Variants in UBR3 observed in about 807,000 individuals in gnomAD.
UBR3 encodes ubiquitin protein ligase E3 component n-recognin 3.
Under a neutral mutation model 243.2 loss-of-function variants are expected in UBR3, and 85 were observed. The ratio of observed to expected loss-of-function variants is 0.35; its 90% CI spans 0.29 to 0.42. The LOEUF (loss-of-function observed/expected upper bound fraction) is 0.42. UBR3 is among the 10% of genes least tolerant of loss of function. The pLI, the probability that UBR3 is intolerant of heterozygous loss-of-function variation, is 1.00. For synonymous variants in UBR3, 748 were observed against 799.8 expected, an observed-to-expected ratio of 0.94 and a Z score of 1.09; for missense variants, 1,686 against 2,300.8, an observed-to-expected ratio of 0.73 and a Z score of 5.47.
chr2:169,837,425 G>A (rs1335154108), intron 1 of UBR3, among the ~76,000 whole-genome samples: 4 of 152,220 alleles, frequency 2.6e-5, no homozygotes, highest in Non-Finnish European at 4.4e-5. Flanking sequence ...GCGGTGAGCC[G>A]CGATCACGCC....
chr2:169,845,310 C>A (rs1388870889), intron 1 of UBR3, among the ~76,000 whole-genome samples: 1 of 151,166 alleles, frequency 6.6e-6, no homozygotes, highest in East Asian at 2.0e-4. Context: ...GTAGTCCCAG[C>A]TACTCAGAAA....
chr2:169,857,079 T>G (rs1384829464), intron 1 of UBR3, among the ~76,000 whole-genome samples: 5 of 127,658 alleles, frequency 3.9e-5, no homozygotes, highest in African/African-American at 1.2e-4. Context: ...TTTTTTTTTT[T>G]TTTTTTTTTT....
chr2:169,886,199 G>A (rs1302473747), intron 5 of UBR3, among the ~76,000 whole-genome samples: 3 of 151,650 alleles, frequency 2.0e-5, no homozygotes, highest in African/African-American at 7.2e-5. Flanking sequence ...GGAGGCATAA[G>A]GTTTAATTTT....
At chr2:169,936,913 G>C (rs937593803) in intron 19 of UBR3, among the ~76,000 whole-genome samples, 2 of 152,110 alleles carry the variant, frequency 1.3e-5, no homozygotes, top group Non-Finnish European at 2.9e-5. Flanking sequence ...TCTTAATCCA[G>C]TCTATCATTG....
Position 170,029,425 on chromosome 2 carries a change from C to T in UBR3, c.4533C>T (p.Thr1511=), listed in dbSNP as rs544154880. 2 of 1,610,478 alleles carry T rather than the reference C, an allele frequency of 1.2e-6. No individual in the cohort carries two copies. Among genetic ancestry groups the T allele is most frequent in the Non-Finnish European group, 1.7e-6 (2 of 1,178,198 alleles). ...DSEYNPWRKL[T]QLEEMNPQLG... is the part of the protein sequence containing the mutation. ...AGTATAATCCCTGGAGAAAGCTCAC[C>T]CAGTTAGAAGAGATGAATCCACAGT... Residue 1511 remains threonine (T), a synonymous_variant, in exon 31 of 39, where the codon ACC becomes ACT. Coordinates refer to ENST00000272793, the MANE Select transcript of UBR3 (RefSeq NM_172070.4).
intron 18 of UBR3, among the ~76,000 whole-genome samples, chr2:169,930,157 T>C (rs2086064706): frequency 6.6e-6 from 1 of 152,142 alleles, no homozygotes; most frequent in Non-Finnish European, 1.5e-5. Context: ...GCGCTCCTCA[T>C]TAAGAATGCA....
intron 36 of UBR3, among the ~76,000 whole-genome samples, chr2:170,078,944 T>G (rs1364961454): frequency 1.3e-5 from 2 of 152,196 alleles, no homozygotes; most frequent in Non-Finnish European, 2.9e-5. Flanking sequence ...ATTGCTTCCA[T>G]GGACACTTAA....
intron 11 of UBR3, among the ~76,000 whole-genome samples, chr2:169,923,232 T>A (rs913441064): frequency 6.6e-6 from 1 of 152,210 alleles, no homozygotes; most frequent in Non-Finnish European, 1.5e-5. Flanking sequence ...TTTGGAAGCA[T>A]CTTATCTAAC....
intron 1 of UBR3, among the ~76,000 whole-genome samples, chr2:169,841,480 C>G (rs2105284488): frequency 6.6e-6 from 1 of 152,322 alleles, no homozygotes; most frequent in African/African-American, 2.4e-5. Flanking sequence ...GAGCCCCTTT[C>G]TGGGCTGGCC....
intron 24 of UBR3, among the ~76,000 whole-genome samples, chr2:169,976,703 C>T (rs1032409549): frequency 5.1e-4 from 78 of 152,204 alleles, no homozygotes; most frequent in African/African-American, 1.6e-3. Flanking sequence ...CTGTCTTTCA[C>T]TTTTTACAAT....
intron 24 of UBR3, among the ~76,000 whole-genome samples, chr2:169,972,841 T>G (rs921746920): frequency 1.4e-4 from 22 of 151,906 alleles, no homozygotes; most frequent in African/African-American, 5.1e-4. Context: ...AGCATTCCCT[T>G]TGAAAACTGG....
chr2:169,991,347 TA>T, intron 25 of UBR3, among the ~76,000 whole-genome samples: 1 of 152,186 alleles, frequency 6.6e-6, no homozygotes, highest in Non-Finnish European at 1.5e-5. Flanking sequence ...AACAGACTTA[TA>T]TAGAACACTC....
chr2:169,972,963 G>A (rs200607330), intron 24 of UBR3, among the ~76,000 whole-genome samples: 1 of 132,062 alleles, frequency 7.6e-6, no homozygotes, highest in Non-Finnish European at 1.6e-5. Flanking sequence ...TAGGAAAAGA[G>A]GAAGTCAAAT....
chr2:169,836,243 C>T (rs1400514103), intron 1 of UBR3, among the ~76,000 whole-genome samples: 1 of 150,688 alleles, frequency 6.6e-6, no homozygotes, highest in Non-Finnish European at 1.5e-5. Context: ...GCCACCATGC[C>T]TAGCTAATTT....
rs1428894325 is a variant in UBR3 at position 169,967,678 on chromosome 2, A to C, written c.3634+9152A>C. Reference sequence around the variant, plus strand: ...TTGGAAAGTAGGAGAGTCTGAGCTGAGAGCAGCCACATTGCAGGATTTGGT... The same window carrying C: ...TTGGAAAGTAGGAGAGTCTGAGCTGCGAGCAGCCACATTGCAGGATTTGGT... On this transcript the variant is annotated intron_variant, in intron 24 of 38. Transcript: ENST00000272793. Among the ~76,000 whole-genome samples the C allele has an allele frequency of 3.9e-5, 6 of 152,208 alleles. No individual in the cohort carries two copies. The East Asian group carries it at 1.2e-3, about 29-fold the overall frequency.
rs748472746 is a variant in UBR3 at position 170,073,452 on chromosome 2, G to A, written c.5044G>A (p.Ala1682Thr). The A allele has an allele frequency of 1.2e-5, 20 of 1,613,446 alleles. No homozygotes were observed. The Admixed American group carries it at 3.2e-4, about 26-fold the overall frequency. The change falls in exon 36 of 39, where the codon GCC (alanine) becomes ACC (threonine). Residue 1682 changes from alanine (A) to threonine (T), a missense_variant. Around this residue, in one of 8 missense-constraint regions of UBR3, gnomAD observed 371 missense variants for 422.5 expected, o/e 0.88. Transcript: ENST00000272793. Reference sequence around the variant, plus strand: ...GGAAGAAGAAGAATTTTCAGTTCTTGCCAGCTGCCTGGGACTTCTGCCAAC... The same window carrying A: ...GGAAGAAGAAGAATTTTCAGTTCTTACCAGCTGCCTGGGACTTCTGCCAAC... ...CQEEEEFSVL[A>T]SCLGLLPTFY...
chr2:170,038,984 A>G (rs1309413969), intron 31 of UBR3, among the ~76,000 whole-genome samples: 1 of 151,966 alleles, frequency 6.6e-6, no homozygotes, highest in East Asian at 1.9e-4. Context: ...GGATATTCAG[A>G]TAGAGAGTTC....
chr2:169,991,673 C>A (rs1320146155), intron 25 of UBR3, among the ~76,000 whole-genome samples: 1 of 152,120 alleles, frequency 6.6e-6, no homozygotes, highest in Non-Finnish European at 1.5e-5. Flanking sequence ...AGCTCCGTTT[C>A]CTGGGTTCAC....
At chr2:170,075,551 G>A (rs2091789633) in intron 36 of UBR3, among the ~76,000 whole-genome samples, 2 of 152,106 alleles carry the variant, frequency 1.3e-5, no homozygotes, top group South Asian at 2.1e-4. Context: ...TTATTGTAGA[G>A]GCAGTGTAGT....
Sources: allele counts gnomAD v4.1 joint callset (sites outside exome capture counted in the v4.1 genomes callset), GRCh38; gene constraint gnomAD v4.1.1; regional missense constraint gnomAD v4.1.1; transcripts MANE v1.5; gene names NCBI Gene and HGNC (gene_info 2026-07-23, HGNC 2026-07-21).